Variants in WDR11 observed in about 807,000 individuals in gnomAD.
WDR11 encodes WD repeat domain 11, also known as WD repeat-containing protein 11.
A neutral mutation model predicts 151.2 loss-of-function variants in WDR11; 83 were observed. The ratio of observed to expected loss-of-function variants is 0.55; its 90% CI spans 0.46 to 0.66. The LOEUF (loss-of-function observed/expected upper bound fraction) is 0.66, where lower values mean the gene tolerates loss of function less well. WDR11 is among the 30% of genes least tolerant of loss of function. WDR11 has a pLI of 0.00. For missense variants in WDR11, 1,301 were observed against 1,480.9 expected (o/e 0.88, Z 1.99); for synonymous variants, 484 against 533.1 (o/e 0.91, Z 1.27).
At chr10:120,882,669 C>T (rs1415614006) in intron 13 of WDR11, among the ~76,000 whole-genome samples, 1 of 151,446 alleles carries the variant, frequency 6.6e-6, no homozygotes, top group Non-Finnish European at 1.5e-5. Flanking sequence ...TTGAAATAAG[C>T]TTGTTCATCA....
chr10:120,892,425 C>G (rs953935638), intron 19 of WDR11, among the ~76,000 whole-genome samples: 3 of 152,108 alleles, frequency 2.0e-5, no homozygotes, highest in African/African-American at 7.2e-5. Flanking sequence ...AAATTCAGAA[C>G]AACCCTTAAT....
At chr10:120,858,541 G>T (rs1275751927) in intron 2 of WDR11, 102 bp from the exon 3 acceptor site, 14 of 1,355,092 alleles carry the variant, frequency 1.0e-5, no homozygotes, top group Non-Finnish European at 9.4e-6. Context: ...AAATGTTTAT[G>T]TAATATAAAT....
chr10:120,878,524 T>C, intron 12 of WDR11, 65 bp downstream of exon 12: 1 of 1,322,818 alleles, frequency 7.6e-7, no homozygotes, highest in Admixed American at 1.7e-5. Flanking sequence ...TTATAAAACA[T>C]GTTTGAAAGT....
At chr10:120,893,372 C>G (rs1349172699) in intron 19 of WDR11, among the ~76,000 whole-genome samples, 1 of 152,090 alleles carries the variant, frequency 6.6e-6, no homozygotes, top group African/African-American at 2.4e-5. Context: ...GCATAGTATT[C>G]CATGGTGTAT....
intron 25 of WDR11, 121 bp downstream of exon 25, chr10:120,904,932 T>A (rs1188728588): frequency 2.9e-5 from 34 of 1,156,388 alleles, no homozygotes; most frequent in Non-Finnish European, 4.2e-5. Context: ...AATAGAAAAA[T>A]TATTGCTACC....
rs1446721002 is a variant in WDR11 at position 120,869,294 on chromosome 10, T to C, written c.1295-1876T>C. Among the ~76,000 whole-genome samples, 3 of 151,792 alleles carry C rather than the reference T, an allele frequency of 2.0e-5. 1 individual carries two copies. Among genetic ancestry groups the C allele is most frequent in the Non-Finnish European group, 4.4e-5 (3 of 67,920 alleles). Reference sequence around the variant, plus strand: ...CCCGGCTAATTTTTTTGTGTTTTTTTAGTAGAGACGGGGTTTCACTGTGTT... The same window carrying C: ...CCCGGCTAATTTTTTTGTGTTTTTTCAGTAGAGACGGGGTTTCACTGTGTT... On this transcript the variant is annotated intron_variant, in intron 9 of 28. Transcript: ENST00000263461.
chr10:120,883,871 C>A lies in WDR11; in HGVS notation c.1831C>A (p.Pro611Thr), dbSNP rs751905748. Residue 611 changes from proline to threonine, a missense_variant, in exon 14 of 29, where the codon CCT (proline) becomes ACT (threonine). Pro to Thr is a conservative substitution (Grantham distance 38, BLOSUM62 -1). Around this residue, in one of 3 missense-constraint regions of WDR11, gnomAD observed 692 missense variants for 762.5 expected, o/e 0.91. Transcript: ENST00000263461. ...TLLREMSKNFPTITALEWSPS... is the reference protein window; with the variant it reads ...TLLREMSKNFTTITALEWSPS... ...TCTTAGAGAGATGTCCAAAAACTTC[C>A]CTACAATAACTGCTTTGGTAAGTTA... 1 of 1,612,462 alleles carries A rather than the reference C, an allele frequency of 6.2e-7. No individual in the cohort carries two copies. The highest frequency in any genetic ancestry group is 8.5e-7 in the Non-Finnish European group (1 of 1,178,840).
At chr10:120,885,531 G>A (rs1383255060) in intron 14 of WDR11, among the ~76,000 whole-genome samples, 1 of 152,010 alleles carries the variant, frequency 6.6e-6, no homozygotes, top group Admixed American at 6.6e-5. Flanking sequence ...GGGAGGAGAC[G>A]AGGAATAGGC....
chr10:120,877,572 T>C (rs965738320), intron 11 of WDR11, among the ~76,000 whole-genome samples: 2 of 152,084 alleles, frequency 1.3e-5, no homozygotes, highest in Admixed American at 1.3e-4. Flanking sequence ...TAAGTTGAGA[T>C]TGTGTCACTG....
intron 11 of WDR11, among the ~76,000 whole-genome samples, chr10:120,875,995 T>TTGA (rs1846768866): frequency 3.5e-5 from 5 of 142,850 alleles, no homozygotes; most frequent in African/African-American, 1.1e-4. Context: ...TTTTTTTTTT[T>TTGA]GAGTTGGAGT....
At chr10:120,851,781 CCT>C (rs920980844) in intron 1 of WDR11, 132 of 542,886 alleles carry the variant, frequency 2.4e-4, no homozygotes, top group Non-Finnish European at 3.4e-4. Flanking sequence ...CCGTTCCATT[CCT>C]CTCTCTTTTC....
chr10:120,887,003 G>A (rs1225046530), intron 16 of WDR11, among the ~76,000 whole-genome samples, 167 bp downstream of exon 16: 2 of 152,174 alleles, frequency 1.3e-5, no homozygotes, highest in African/African-American at 2.4e-5. Flanking sequence ...AGAGAATAAC[G>A]CTGTAACTAT....
At chr10:120,893,375 T>C (rs1847493552) in intron 19 of WDR11, among the ~76,000 whole-genome samples, 1 of 152,190 alleles carries the variant, frequency 6.6e-6, no homozygotes, top group Non-Finnish European at 1.5e-5. Context: ...TAGTATTCCA[T>C]GGTGTATATG....
intron 28 of WDR11, chr10:120,907,263 C>G: frequency 3.9e-6 from 1 of 253,440 alleles, no homozygotes; most frequent in Non-Finnish European, 7.8e-6. Flanking sequence ...ACTGGAATAA[C>G]TAAAAAAGTC....
chr10:120,907,175 C>A (rs1848087155), intron 28 of WDR11: 6 of 338,688 alleles, frequency 1.8e-5, no homozygotes, highest in Non-Finnish European at 3.4e-5. Context: ...GTAGAAGGAC[C>A]TGGTACTTTG....
chr10:120,905,456 G>T, intron 26 of WDR11, 40 bp downstream of exon 26: 1 of 1,600,768 alleles, frequency 6.2e-7, no homozygotes, highest in South Asian at 1.1e-5. Flanking sequence ...CTCAACATTC[G>T]GGATAGAAAG....
Position 120,904,651 on chromosome 10 carries a change from C to G in WDR11, c.3033C>G (p.Asp1011Glu), listed in dbSNP as rs765482207. Residue 1011 changes from aspartate to glutamate, a missense_variant, in exon 25 of 29, where the codon GAC (aspartate) becomes GAG (glutamate). Physicochemically the swap from Asp to Glu is conservative, Grantham distance 45 (BLOSUM62 2). This residue lies in a region of WDR11 where 589 missense variants were observed against 670.6 expected (regional missense o/e 0.88). Coordinates refer to ENST00000263461, the MANE Select transcript of WDR11 (RefSeq NM_018117.12). ...TDQLLLLGQTDRAVQLLLETS... is the reference protein window; with the variant it reads ...TDQLLLLGQTERAVQLLLETS... Reference sequence around the variant, plus strand: ...AAAACCGTTTCTCTTACTAGACAGACAGAGCTGTGCAGTTGCTGTTGGAAA... The same window carrying G: ...AAAACCGTTTCTCTTACTAGACAGAGAGAGCTGTGCAGTTGCTGTTGGAAA... The G allele has an allele frequency of 3.1e-6, 5 of 1,614,134 alleles. No individual in the cohort carries two copies. The highest frequency in any genetic ancestry group is 4.2e-6 in the Non-Finnish European group (5 of 1,180,014).
chr10:120,880,140 AT>A (rs1303369406), intron 12 of WDR11: 1 of 152,224 alleles, frequency 6.6e-6, no homozygotes, highest in Non-Finnish European at 1.5e-5. Context: ...TGTATTAAAT[AT>A]TACTTTAAAT....
At chr10:120,861,900 C>T (rs1458215085) in intron 4 of WDR11, among the ~76,000 whole-genome samples, 2 of 152,158 alleles carry the variant, frequency 1.3e-5, no homozygotes, top group African/African-American at 4.8e-5. Context: ...GGGCCCACTA[C>T]TGTTTTCTAA....
Sources: gnomAD v4.1 joint callset for allele counts (sites outside exome capture counted in the v4.1 genomes callset) on GRCh38, gnomAD v4.1.1 for gene constraint, gnomAD v4.1.1 regional missense constraint, MANE v1.5 for transcripts, NCBI Gene and HGNC (gene_info 2026-07-23, HGNC 2026-07-21) for gene names.